PCM1: variants seen among roughly 807,000 people sequenced by gnomAD.
PCM1 encodes the protein pericentriolar material 1.
PCM1 carries 157 observed loss-of-function variants against 241.9 expected under a neutral mutation model. That is an observed-to-expected ratio of 0.65 (90% confidence interval 0.57 to 0.74). The LOEUF (loss-of-function observed/expected upper bound fraction) is 0.74, where lower values mean the gene tolerates loss of function less well. Ranked by LOEUF, PCM1 falls within the 30% of genes least tolerant of loss-of-function variation. The probability of loss-of-function intolerance (pLI) is 0.00; values close to 1 mark genes in which losing one functional copy is unlikely to be tolerated. For missense variants in PCM1, 3,478 were observed against 2,360.1 expected (o/e 1.47, Z -9.81); for synonymous variants, 1,085 against 784.9 (o/e 1.38, Z -6.39).
intron 8 of PCM1, among the ~76,000 whole-genome samples, chr8:17,952,571 A>T (rs961811741): frequency 5.3e-5 from 8 of 152,210 alleles, no homozygotes; most frequent in Non-Finnish European, 1.2e-4. Context: ...TTTAAAATGC[A>T]AATTTAAAAA....
intron 6 of PCM1, among the ~76,000 whole-genome samples, chr8:17,941,542 A>T (rs850837): frequency 0.26 from 15,108 of 58,794 alleles, 1,345 homozygotes; most frequent in African/African-American, 0.33. Flanking sequence ...TTTTTTTTTT[A>T]AAAAAAAGGT....
At chr8:17,992,935 GTTT>G (rs3039044) in intron 28 of PCM1, among the ~76,000 whole-genome samples, 6 of 123,958 alleles carry the variant, frequency 4.8e-5, no homozygotes, top group Non-Finnish European at 8.2e-5. Flanking sequence ...CTTTTTGATG[GTTT>G]TTTTTTTTTT....
chr8:18,026,231 A>C (rs1274816180), intron 38 of PCM1, among the ~76,000 whole-genome samples: 1 of 147,406 alleles, frequency 6.8e-6, no homozygotes, highest in African/African-American at 2.5e-5. Flanking sequence ...TAAGAAAGGT[A>C]CAAAAATATT....
At position 17,969,086 on chromosome 8, in the gene PCM1, T is replaced by A. The variant is rs1335037596; in HGVS notation, c.3413-491T>A. On this transcript the variant is annotated intron_variant, in intron 21 of 38. Coordinates refer to ENST00000325083, the MANE Select transcript of PCM1 (RefSeq NM_006197.4). ...CTGATACATAACAGTATTTGGTAAGTATTTAATTATATTCTACTTTCCCAA... is the reference window on the plus strand; with the variant it reads ...CTGATACATAACAGTATTTGGTAAGAATTTAATTATATTCTACTTTCCCAA... Among the ~76,000 whole-genome samples the A allele has an allele frequency of 6.8e-3, 1,039 of 152,202 alleles. 5 individuals are homozygous for A. The highest frequency in any genetic ancestry group is 0.011 in the Non-Finnish European group (717 of 67,966).
Position 17,957,589 on chromosome 8 carries a change from T to G in PCM1, c.1854T>G (p.Gly618=). Residue 618 remains glycine, a synonymous_variant, in exon 13 of 39, where the codon GGT becomes GGG. Coordinates refer to ENST00000325083, the MANE Select transcript of PCM1 (RefSeq NM_006197.4). ...EGEQEIHVAQ[G]EDDEEEEEEA... Reference sequence around the variant, plus strand: ...AACAGGAGATTCATGTTGCACAAGGTGAAGATGATGAGGAGGAGGAGGAAG... The same window carrying G: ...AACAGGAGATTCATGTTGCACAAGGGGAAGATGATGAGGAGGAGGAGGAAG... 6.4e-7 allele frequency: 1 copy of G among 1,571,674 alleles called. No individual in the cohort carries two copies. The highest frequency in any genetic ancestry group is 1.1e-5 in the South Asian group (1 of 87,076).
chr8:17,978,537 A>G (rs1376644630), intron 23 of PCM1, among the ~76,000 whole-genome samples: 1 of 151,978 alleles, frequency 6.6e-6, no homozygotes, highest in Non-Finnish European at 1.5e-5. Flanking sequence ...CTTCCTTACC[A>G]CACAAGCAGA....
rs764517832 is a variant in PCM1, at chr8:17,986,076, A to G, written c.4399A>G (p.Thr1467Ala). The G allele has an allele frequency of 8.9e-6, 14 of 1,579,662 alleles. No homozygotes were observed. The highest frequency in any genetic ancestry group is 1.2e-5 in the Non-Finnish European group (14 of 1,163,434). The change falls in exon 26 of 39, where the codon ACT (threonine) becomes GCT (alanine). Residue 1467 changes from threonine to alanine, a missense_variant. Thr to Ala is a moderately conservative substitution (Grantham distance 58). Transcript: ENST00000325083. ...ACTTACTCCTAGTGAGAGCCTTGCT[A>G]CTACTGATGATGTAAGCTGATAATG... ...SELTPSESLA[T>A]TDDETFEKNF...
rs757161184 is a variant in PCM1 at position 17,960,456 on chromosome 8, A to G, written c.2322+12A>G. The stretch of plus-strand genomic sequence containing the variant: ...GCCCTGACTTACAGGTAATTATGAA[A>G]TTTATTTCTAATTGTCTGAAAAAAG... On this transcript the variant is annotated intron_variant, in intron 15 of 38. Transcript: ENST00000325083. The G allele has an allele frequency of 1.9e-6, 3 of 1,568,738 alleles. No homozygotes were observed. The highest frequency in any genetic ancestry group is 2.6e-6 in the Non-Finnish European group (3 of 1,163,124).
rs1181342930 is a variant in PCM1 at position 18,006,247 on chromosome 8, C to G, written c.4828-16C>G. ...ATAGGTAAGTTTATATTCTAACCAA[C>G]TAGGATTTTTCTCAGGAGCACATGG... On this transcript the variant is annotated splice_polypyrimidine_tract_variant and intron_variant, in intron 29 of 38. Transcript: ENST00000325083. 3.2e-6 allele frequency: 5 copies of G among 1,583,416 alleles called. No homozygotes were observed. Among genetic ancestry groups the G allele is most frequent in the Non-Finnish European group, 3.4e-6 (4 of 1,162,192 alleles).
chr8:17,953,254 TTTAGTA>T (rs2066756853), intron 9 of PCM1, 68 bp downstream of exon 9: 5 of 749,506 alleles, frequency 6.7e-6, no homozygotes, highest in Non-Finnish European at 1.0e-5. Context: ...ACATAATAAA[TTTAGTA>T]TTTGGTGAAT....
In PCM1 at chr8:17,994,877, A is replaced by G. The variant is rs147339671; in HGVS notation, c.4827+1258A>G. Among the ~76,000 whole-genome samples the G allele has an allele frequency of 1.2e-3, 180 of 151,370 alleles. 8 individuals carry two copies. Among genetic ancestry groups the G allele is most frequent in the Middle Eastern group, 6.8e-3 (2 of 294 alleles). ...GATCTTCTGCACATTTTAAAATTAG[A>G]TTATTAGATTTTTTCCTATAGAGTT... On this transcript the variant is annotated intron_variant, in intron 29 of 38. Transcript: ENST00000325083.
intron 13 of PCM1, 55 bp downstream of exon 13, chr8:17,957,830 T>A: frequency 8.4e-7 from 1 of 1,185,824 alleles, no homozygotes; most frequent in Non-Finnish European, 1.2e-6. Flanking sequence ...CAGTCTTAAG[T>A]AAAATTTGTG....
chr8:17,958,317 C>G (rs1322694816), intron 13 of PCM1, among the ~76,000 whole-genome samples: 1 of 151,990 alleles, frequency 6.6e-6, no homozygotes, highest in Non-Finnish European at 1.5e-5. Context: ...AAAAGAAAAA[C>G]CATATGTTAT....
chr8:17,996,629 T>G (rs373146908), intron 29 of PCM1, among the ~76,000 whole-genome samples: 26 of 151,916 alleles, frequency 1.7e-4, no homozygotes, highest in East Asian at 1.2e-3. Flanking sequence ...ATTTTGGGTT[T>G]GGTTTGCTCA....
chr8:17,959,252 A>G (rs186683196), intron 13 of PCM1, among the ~76,000 whole-genome samples: 157 of 152,138 alleles, frequency 1.0e-3, no homozygotes, highest in Middle Eastern at 0.01. Flanking sequence ...TCATGTCAGT[A>G]TAGTTCTATA....
intron 33 of PCM1, 124 bp downstream of exon 33, chr8:18,011,490 C>G: frequency 1.9e-6 from 2 of 1,068,840 alleles, no homozygotes; most frequent in Non-Finnish European, 2.6e-6. Flanking sequence ...TTGAATTTCA[C>G]TGTGACCCTG....
At chr8:17,986,388 G>A (rs1484802444) in intron 26 of PCM1, 2 of 164,642 alleles carry the variant, frequency 1.2e-5, no homozygotes, top group African/African-American at 4.8e-5. Context: ...AATGTATGTT[G>A]TATTTATTTA....
At chr8:17,999,638 C>T (rs981284922) in intron 29 of PCM1, among the ~76,000 whole-genome samples, 3 of 152,082 alleles carry the variant, frequency 2.0e-5, no homozygotes, top group African/African-American at 7.2e-5. Context: ...GGAGGGGTGG[C>T]GTCAGCAATT....
chr8:18,012,972 A>G (rs1321934128), intron 34 of PCM1, among the ~76,000 whole-genome samples: 4 of 152,140 alleles, frequency 2.6e-5, no homozygotes, highest in African/African-American at 4.8e-5. Context: ...TGTCTGCTGA[A>G]CCTTGGTTCT....
Sources: gnomAD v4.1 joint callset for allele counts (sites outside exome capture counted in the v4.1 genomes callset) on GRCh38, gnomAD v4.1.1 for gene constraint, MANE v1.5 for transcripts, NCBI Gene and HGNC (gene_info 2026-07-23, HGNC 2026-07-21) for gene names.